The following LIN54 variants were observed in gnomAD, a reference collection of about 807,000 sequenced individuals.
LIN54 encodes protein lin-54 homolog.
A neutral mutation model predicts 78.7 loss-of-function variants in LIN54; 9 were observed. The ratio of observed to expected loss-of-function variants is 0.11; its 90% confidence interval spans 0.07 to 0.20. LIN54 has a LOEUF of 0.20. Among genes scored for constraint, LIN54 ranks in the 10% least tolerant of loss-of-function variants. LIN54 has a pLI of 1.00. For synonymous variants in LIN54, 269 were observed against 318.4 expected, an observed-to-expected ratio of 0.84 and a Z score of 1.65; for missense variants, 573 against 889.9, an observed-to-expected ratio of 0.64 and a Z score of 4.53.
In LIN54 at chr4:82,957,177, C is replaced by A. The variant is rs147914606; in HGVS notation, c.952-10703G>T. 3.3e-3 allele frequency among the ~76,000 whole-genome samples: 505 copies of A among 152,294 alleles called. 6 individuals are homozygous for A. Among genetic ancestry groups the A allele is most frequent in the African/African-American group, 0.011 (469 of 41,552 alleles). On this transcript the variant is annotated intron_variant, in intron 4 of 12. Coordinates refer to ENST00000340417, the MANE Select transcript of LIN54 (RefSeq NM_194282.4). ...AAGCAAAAGCAATCAACTTCTGAAA[C>A]CATTTCCCCAAGTCTGTTCTCATTT... is the stretch of plus-strand genomic sequence containing the variant.
intron 4 of LIN54, among the ~76,000 whole-genome samples, chr4:82,956,784 C>A (rs945188476): frequency 2.0e-5 from 3 of 151,810 alleles, no homozygotes; most frequent in African/African-American, 7.2e-5. Flanking sequence ...AGGAGTCTTT[C>A]TTCTTTTTCT....
At chr4:82,934,503 A>G (rs928820523) in intron 11 of LIN54, among the ~76,000 whole-genome samples, 1 of 152,222 alleles carries the variant, frequency 6.6e-6, no homozygotes, top group African/African-American at 2.4e-5. Flanking sequence ...TTACTCTCCT[A>G]TTCCCTATTC....
intron 2 of LIN54, among the ~76,000 whole-genome samples, chr4:82,981,240 G>C (rs1273625098): frequency 1.3e-5 from 2 of 152,144 alleles, no homozygotes; most frequent in African/African-American, 4.8e-5. Flanking sequence ...AGCTAGTAAG[G>C]AGTTATATTG....
chr4:82,938,446 C>T lies in LIN54; in HGVS notation c.1499G>A (p.Gly500Asp), dbSNP rs1290119955. 2.5e-6 allele frequency: 4 copies of T among 1,611,340 alleles called. No individual in the cohort carries two copies. The highest frequency in any genetic ancestry group is 3.4e-6 in the Non-Finnish European group (4 of 1,177,590). Residue 500 changes from glycine to aspartate, a missense_variant, in exon 8 of 13, where the codon GGT becomes GAT. Around this residue, in one of 6 missense-constraint regions of LIN54, gnomAD observed 101 missense variants for 194.2 expected, o/e 0.52. Transcript: ENST00000340417. Reference sequence around the variant, plus strand: ...TGGAAGCCGTGCCTGGGTCTGGATACCAGATGTTCCAGTAAAGGTAGAGTT... The same window carrying T: ...TGGAAGCCGTGCCTGGGTCTGGATATCAGATGTTCCAGTAAAGGTAGAGTT... ...ASNSTFTGTS[G>D]IQTQARLPFN...
At position 82,941,168 on chromosome 4, in the gene LIN54, A is replaced by ATATC. The variant is rs1455105389; in HGVS notation, c.1169-1207_1169-1206insGATA. On this transcript the variant is annotated intron_variant, in intron 5 of 12. Coordinates refer to ENST00000340417, the MANE Select transcript of LIN54 (RefSeq NM_194282.4). ...TAAGAGGATATATATATATATATAT[A>ATATC]TATATATCGTTGGCAGAGGATGGAA... Among the ~76,000 whole-genome samples, 634 of 149,390 alleles carry ATATC rather than the reference A, an allele frequency of 4.2e-3. 11 individuals carry two copies. The highest frequency in any genetic ancestry group is 0.015 in the African/African-American group (591 of 40,364).
At chr4:82,972,866 A>G (rs28616751) in intron 3 of LIN54, among the ~76,000 whole-genome samples, 53,113 of 149,898 alleles carry the variant, frequency 0.35, 11,182 homozygotes, top group African/African-American at 0.59. Flanking sequence ...CTATAATCCC[A>G]GCTACTCGGG....
chr4:82,939,789 C>G (rs866648356), intron 6 of LIN54, 53 bp from the exon 7 acceptor site: 23 of 1,598,552 alleles, frequency 1.4e-5, no homozygotes, highest in Middle Eastern at 3.3e-4. Context: ...TACAGCTGTT[C>G]AATTCAGTAT....
At chr4:82,951,207 T>C (rs1016314273) in intron 4 of LIN54, among the ~76,000 whole-genome samples, 2 of 152,172 alleles carry the variant, frequency 1.3e-5, no homozygotes, top group African/African-American at 4.8e-5. Flanking sequence ...AAATATTAAA[T>C]GTATTACATG....
chr4:82,990,805 C>T (rs1009826962), intron 1 of LIN54, among the ~76,000 whole-genome samples: 8 of 152,026 alleles, frequency 5.3e-5, no homozygotes, highest in African/African-American at 1.2e-4. Flanking sequence ...TCTTTTATAA[C>T]GGGCCAAAGC....
At chr4:82,985,542 T>C (rs1449527201) in intron 1 of LIN54, among the ~76,000 whole-genome samples, 1 of 152,236 alleles carries the variant, frequency 6.6e-6, no homozygotes, top group African/African-American at 2.4e-5. Flanking sequence ...ACTTACTTAC[T>C]TAATTAATTA....
chr4:83,012,655 C>T (rs1389101789), upstream of LIN54: 1 of 152,094 alleles, frequency 6.6e-6, no homozygotes, highest in Admixed American at 6.5e-5. Context: ...TTCCCGCTCC[C>T]CGCCAAGGCC....
chr4:82,940,302 G>A (rs909966635), intron 5 of LIN54, among the ~76,000 whole-genome samples: 11 of 152,158 alleles, frequency 7.2e-5, no homozygotes, highest in African/African-American at 2.7e-4. Context: ...TAAAAGAACT[G>A]TCATTCATAA....
chr4:82,994,984 C>G (rs1009465804), intron 1 of LIN54, among the ~76,000 whole-genome samples: 7 of 151,912 alleles, frequency 4.6e-5, no homozygotes, highest in Non-Finnish European at 1.0e-4. Context: ...GAGCAAAGTC[C>G]AAACTTCTAA....
In LIN54 at chr4:82,991,975, A is replaced by G. The variant is rs115591997; in HGVS notation, c.-32-7099T>C. On this transcript the variant is annotated intron_variant, in intron 1 of 12. Transcript: ENST00000340417. ...TCTGCCTGGAGATAATGCTAGCCTA[A>G]TAAAATGAATTGGAGTGTGTTCTTA... is the stretch of plus-strand genomic sequence containing the variant. 8.3e-3 allele frequency among the ~76,000 whole-genome samples: 1,257 copies of G among 152,308 alleles called. 15 individuals carry two copies. Among genetic ancestry groups the G allele is most frequent in the Admixed American group, 0.019 (286 of 15,282 alleles).
At position 82,984,875 on chromosome 4, in the gene LIN54, C is replaced by T; in HGVS notation, c.-31G>A. The stretch of plus-strand genomic sequence containing the variant: ...TTCTCCCGCTAGAAAGTTGATCAGG[C>T]ACTGTAATAAAAGTTGAAAAATGAA... On this transcript the variant is annotated splice_region_variant and 5_prime_UTR_variant, in exon 2 of 13. Coordinates refer to ENST00000340417, the MANE Select transcript of LIN54 (RefSeq NM_194282.4). 6.4e-7 allele frequency: 1 copy of T among 1,562,884 alleles called. No individual in the cohort carries two copies. Among genetic ancestry groups the T allele is most frequent in the South Asian group, 1.2e-5 (1 of 84,100 alleles).
intron 11 of LIN54, among the ~76,000 whole-genome samples, chr4:82,933,729 A>G (rs1005930054): frequency 2.6e-5 from 4 of 152,242 alleles, no homozygotes; most frequent in Non-Finnish European, 5.9e-5. Flanking sequence ...ACAAAATTTC[A>G]TTAGAATAGG....
chr4:83,007,879 C>A (rs934718395), intron 1 of LIN54, among the ~76,000 whole-genome samples: 1 of 151,656 alleles, frequency 6.6e-6, no homozygotes, highest in Non-Finnish European at 1.5e-5. Context: ...AGTGAGAACC[C>A]ATCTCATTTA....
chr4:82,927,039 CGGGA>C lies in LIN54; in HGVS notation c.*1059_*1062del, dbSNP rs1721534440. The C allele has an allele frequency of 6.6e-6, 1 of 151,858 alleles. No individual in the cohort carries two copies. Among genetic ancestry groups the C allele is most frequent in the South Asian group, 2.1e-4 (1 of 4,802 alleles). The allele number at this position is 151,858 out of a possible 1,614,324, so 9.4% of individuals were successfully genotyped here. ...GCATGCACCTGTAGTCCCAGCTACA[CGGGA>C]GGCTGAGGCAGGAGAATCGCTTGAA... On this transcript the variant is annotated 3_prime_UTR_variant, in exon 13 of 13. Coordinates refer to ENST00000340417, the MANE Select transcript of LIN54 (RefSeq NM_194282.4).
At chr4:82,983,070 C>T (rs958767774) in intron 2 of LIN54, among the ~76,000 whole-genome samples, 5 of 149,436 alleles carry the variant, frequency 3.3e-5, no homozygotes, top group Admixed American at 6.7e-5. Flanking sequence ...TGCAATGGCG[C>T]GATCTCGGCT....
Sources: gnomAD v4.1 joint callset for allele counts (sites outside exome capture counted in the v4.1 genomes callset) on GRCh38, gnomAD v4.1.1 for gene constraint, gnomAD v4.1.1 regional missense constraint, MANE v1.5 for transcripts, NCBI Gene and HGNC (gene_info 2026-07-23, HGNC 2026-07-21) for gene names.